The following PLCG2 variants were observed in gnomAD, a reference collection of about 807,000 sequenced individuals.
The protein encoded by PLCG2 is 1-phosphatidylinositol 4,5-bisphosphate phosphodiesterase gamma-2.
In PLCG2, 69 loss-of-function variants were observed where a neutral mutation model predicts 175.6. That is an observed-to-expected ratio of 0.39 (90% CI 0.32 to 0.48). The LOEUF (loss-of-function observed/expected upper bound fraction) is 0.48, where lower values mean the gene tolerates loss of function less well. PLCG2 is among the 20% of genes least tolerant of loss of function. The pLI is 0.91. For synonymous variants in PLCG2, 827 were observed against 624.0 expected, an observed-to-expected ratio of 1.33 and a Z score of -4.85; for missense variants, 1,798 against 1,650.9, an observed-to-expected ratio of 1.09 and a Z score of -1.54.
Position 81,921,278 on chromosome 16 carries a change from C to T in PLCG2, c.2307+9C>T, listed in dbSNP as rs749526837. The T allele has an allele frequency of 1.3e-6, 2 of 1,581,726 alleles. No homozygotes were observed. The highest frequency in any genetic ancestry group is 1.7e-6 in the Non-Finnish European group (2 of 1,150,684). On this transcript the variant is annotated intron_variant, in intron 21 of 32. Coordinates refer to ENST00000564138, the MANE Select transcript of PLCG2 (RefSeq NM_002661.5). The stretch of plus-strand genomic sequence containing the variant: ...AAATCAATCCGTCCATGGTACGGTG[C>T]CGAACCTCCAATTCACATGATTTTG...
At chr16:81,953,341 G>A (rs1173729375) in intron 31 of PLCG2, among the ~76,000 whole-genome samples, 1 of 152,186 alleles carries the variant, frequency 6.6e-6, no homozygotes. Flanking sequence ...TTGTACTGTG[G>A]TTGTGCGAGA....
intron 2 of PLCG2, among the ~76,000 whole-genome samples, chr16:81,796,716 G>C (rs1278282300): frequency 6.6e-6 from 1 of 152,188 alleles, no homozygotes; most frequent in Non-Finnish European, 1.5e-5. Flanking sequence ...AGGGAGAGAA[G>C]GCCATGTGAA....
chr16:81,785,470 G>T (rs1225318573), intron 1 of PLCG2, among the ~76,000 whole-genome samples: 2 of 147,724 alleles, frequency 1.4e-5, no homozygotes, highest in Non-Finnish European at 3.0e-5. Context: ...TGATTCTGAA[G>T]GTTTAGTTTG....
At chr16:81,747,653 T>C (rs145269021) in intron 1 of PLCG2, among the ~76,000 whole-genome samples, 143 of 152,312 alleles carry the variant, frequency 9.4e-4, no homozygotes, top group African/African-American at 3.3e-3. Context: ...TATACTGGAA[T>C]ACCATGCAGC....
chr16:81,960,902 C>CT lies in PLCG2; in HGVS notation c.*2905dup, dbSNP rs1691047596. 1 of 229,344 alleles carries CT rather than the reference C, an allele frequency of 4.4e-6. No individual in the cohort carries two copies. The highest frequency in any genetic ancestry group is 8.6e-6 in the Non-Finnish European group (1 of 115,742). 14.2% of individuals were successfully genotyped at this position (229,344 alleles called of 1,614,324 possible). A position where few individuals can be genotyped will look rare whatever the true frequency, so the allele number is the denominator to read the frequency against. On this transcript the variant is annotated 3_prime_UTR_variant, in exon 33 of 33. Transcript: ENST00000564138. Reference sequence around the variant, plus strand: ...CCTCATCTTCCTGTTATATTCTTCTCTAAGATTCATCTGCCTGAGAAAATG... The same window carrying CT: ...CCTCATCTTCCTGTTATATTCTTCTCTTAAGATTCATCTGCCTGAGAAAATG...
chr16:81,917,904 G>A (rs990364150), intron 19 of PLCG2, among the ~76,000 whole-genome samples: 1 of 152,118 alleles, frequency 6.6e-6, no homozygotes, highest in Non-Finnish European at 1.5e-5. Context: ...TGTATTTTTA[G>A]TAGAGACGGG....
chr16:81,747,566 G>T (rs1429234801), intron 1 of PLCG2, among the ~76,000 whole-genome samples: 5 of 151,440 alleles, frequency 3.3e-5, no homozygotes, highest in African/African-American at 1.2e-4. Context: ...TGGTAGTATT[G>T]TTTTTTAAAT....
intron 2 of PLCG2, among the ~76,000 whole-genome samples, chr16:81,803,822 C>T (rs1408845358): frequency 6.6e-6 from 1 of 152,022 alleles, no homozygotes; most frequent in Non-Finnish European, 1.5e-5. Context: ...GCTGGGATTA[C>T]AGGCGTGTAC....
At chr16:81,805,797 T>TGCTGTTATTGTTGTTTTG (rs1911993873) in intron 2 of PLCG2, among the ~76,000 whole-genome samples, 1 of 140,656 alleles carries the variant, frequency 7.1e-6, no homozygotes, top group Non-Finnish European at 1.6e-5. Flanking sequence ...TTTTTTTTTT[T>TGCTGTTATTGTTGTTTTG]TGCTGTTATT....
intron 26 of PLCG2, chr16:81,935,785 C>T: frequency 1.0e-6 from 1 of 985,386 alleles, no homozygotes; most frequent in Non-Finnish European, 1.2e-6. Flanking sequence ...GTTTGTTCAT[C>T]TTGTGTCTGT....
chr16:81,933,087 T>C (rs1381054930), intron 25 of PLCG2, among the ~76,000 whole-genome samples: 1 of 152,238 alleles, frequency 6.6e-6, no homozygotes, highest in African/African-American at 2.4e-5. Flanking sequence ...ACACCTCCTC[T>C]CCTGCCGCGT....
intron 2 of PLCG2, among the ~76,000 whole-genome samples, chr16:81,808,567 C>T (rs955520771): frequency 3.3e-5 from 5 of 152,110 alleles, no homozygotes; most frequent in African/African-American, 1.2e-4. Context: ...GATCTCGGCT[C>T]GCTACAACCT....
chr16:81,920,006 A>G (rs1168404667), intron 20 of PLCG2, among the ~76,000 whole-genome samples: 2 of 152,182 alleles, frequency 1.3e-5, no homozygotes, highest in African/African-American at 4.8e-5. Flanking sequence ...CTGAAAAGGA[A>G]TGAGCCATGT....
intron 14 of PLCG2, among the ~76,000 whole-genome samples, chr16:81,902,333 C>T (rs551626209): frequency 1.1e-4 from 17 of 152,278 alleles, no homozygotes; most frequent in Non-Finnish European, 2.5e-4. Flanking sequence ...TTATAAACAA[C>T]AGGAACTGAT....
Position 81,854,604 on chromosome 16 carries a change from G to T in PLCG2, c.337+17G>T. The T allele has an allele frequency of 1.9e-6, 3 of 1,610,590 alleles. No individual in the cohort carries two copies. Among genetic ancestry groups the T allele is most frequent in the Non-Finnish European group, 2.5e-6 (3 of 1,177,076 alleles). On this transcript the variant is annotated intron_variant, in intron 3 of 32. Transcript: ENST00000564138. ...GCTTGGCAGGTAGGTGCATGTTTCT[G>T]TGCCTTTCTCCTTCCCTGTGCCTTA...
chr16:81,845,183 C>T (rs1906049133), intron 2 of PLCG2, among the ~76,000 whole-genome samples: 1 of 152,134 alleles, frequency 6.6e-6, no homozygotes, highest in African/African-American at 2.4e-5. Flanking sequence ...TCAAATGATC[C>T]TCCTACTTCA....
chr16:81,889,946 C>T (rs1030940157), intron 10 of PLCG2, among the ~76,000 whole-genome samples: 1 of 152,118 alleles, frequency 6.6e-6, no homozygotes, highest in African/African-American at 2.4e-5. Context: ...TGAGCCACCG[C>T]ACCTGGCGGA....
intron 9 of PLCG2, among the ~76,000 whole-genome samples, chr16:81,886,183 C>G (rs983618335): frequency 1.3e-5 from 2 of 152,038 alleles, no homozygotes; most frequent in Non-Finnish European, 2.9e-5. Context: ...GTAGATTTAC[C>G]CCACCTAGTG....
chr16:81,795,280 C>G (rs767897025), intron 2 of PLCG2, among the ~76,000 whole-genome samples: 13 of 152,168 alleles, frequency 8.5e-5, no homozygotes, highest in Non-Finnish European at 1.9e-4. Flanking sequence ...GTCAGGAGCA[C>G]TAGCCTAGCT....
Sources: allele counts gnomAD v4.1 joint callset (sites outside exome capture counted in the v4.1 genomes callset), GRCh38; gene constraint gnomAD v4.1.1; transcripts MANE v1.5; gene names NCBI Gene and HGNC (gene_info 2026-07-23, HGNC 2026-07-21).